Variants in SGCD observed in about 807,000 individuals in gnomAD.
SGCD encodes the protein delta-sarcoglycan.
SGCD carries 18 observed loss-of-function variants against 36.6 expected under a neutral mutation model. That is an observed-to-expected ratio of 0.49 (90% CI 0.34 to 0.73). The LOEUF is 0.73. Ranked by LOEUF, SGCD falls within the 30% of genes least tolerant of loss-of-function variation. The probability of loss-of-function intolerance (pLI) is 0.01; values close to 1 mark genes in which losing one functional copy is unlikely to be tolerated. For synonymous variants in SGCD, 133 were observed against 130.6 expected (o/e 1.02, Z -0.12); for missense variants, 387 against 346.7 (o/e 1.12, Z -0.92).
chr5:156,622,528 T>TA (rs1197456460), intron 6 of SGCD, among the ~76,000 whole-genome samples: 3 of 143,904 alleles, frequency 2.1e-5, no homozygotes, highest in Non-Finnish European at 4.6e-5. Context: ...CAAGTCTCCA[T>TA]AACAAAGACA....
intron 2 of SGCD, among the ~76,000 whole-genome samples, chr5:156,123,421 G>T (rs1762094444): frequency 6.6e-6 from 1 of 152,112 alleles, no homozygotes; most frequent in Non-Finnish European, 1.5e-5. Flanking sequence ...AGTCAAGAGA[G>T]GGAGGTATTT....
At chr5:156,124,787 G>A (rs913512419) in intron 3 of SGCD, among the ~76,000 whole-genome samples, 3 of 151,876 alleles carry the variant, frequency 2.0e-5, no homozygotes, top group African/African-American at 7.3e-5. Context: ...GGGAGAGAGA[G>A]AATGCTTAGA....
chr5:156,727,432 T>C (rs893711962), intron 7 of SGCD, among the ~76,000 whole-genome samples: 3 of 152,242 alleles, frequency 2.0e-5, no homozygotes, highest in Non-Finnish European at 4.4e-5. Flanking sequence ...TCTTTGTCAA[T>C]GGACAGCCAG....
At chr5:156,229,287 T>TGTATATATATACAC in intron 3 of SGCD, among the ~76,000 whole-genome samples, 1 of 113,790 alleles carries the variant, frequency 8.8e-6, no homozygotes, top group African/African-American at 3.8e-5. Flanking sequence ...CATATATATA[T>TGTATATATATACAC]ATATATATAT....
intron 1 of SGCD, among the ~76,000 whole-genome samples, chr5:156,018,697 A>G (rs1220134365): frequency 6.6e-6 from 1 of 152,146 alleles, no homozygotes; most frequent in Non-Finnish European, 1.5e-5. Context: ...TCAGAAACAA[A>G]CACCTCCTAA....
chr5:155,861,625 G>A, the SGCD span, among the ~76,000 whole-genome samples: 2 of 152,188 alleles, frequency 1.3e-5, no homozygotes, highest in South Asian at 4.1e-4. Context: ...GGTTGAGGCA[G>A]GAGAATCTCT....
the SGCD span, among the ~76,000 whole-genome samples, chr5:155,779,095 A>G: frequency 3.0e-4 from 45 of 152,300 alleles, no homozygotes; most frequent in African/African-American, 1.1e-3. Context: ...CATTCTGCAT[A>G]TATATTTTAT....
intron 1 of SGCD, among the ~76,000 whole-genome samples, chr5:155,980,338 C>A (rs1581024737): frequency 1.3e-5 from 2 of 151,918 alleles, no homozygotes; most frequent in East Asian, 1.9e-4. Flanking sequence ...ATAATCCCAG[C>A]ACTTTGGTAG....
the SGCD span, among the ~76,000 whole-genome samples, chr5:155,824,096 T>G: frequency 6.6e-6 from 1 of 152,210 alleles, no homozygotes; most frequent in South Asian, 2.1e-4. Context: ...TAACATTGCC[T>G]GGAAGTATTT....
At chr5:155,745,721 A>C in the SGCD span, among the ~76,000 whole-genome samples, 2 of 152,184 alleles carry the variant, frequency 1.3e-5, no homozygotes, top group Non-Finnish European at 2.9e-5. Flanking sequence ...AAAGTTTACT[A>C]AGAAAAGGAA....
At chr5:156,271,598 G>A (rs985802173) in intron 3 of SGCD, among the ~76,000 whole-genome samples, 1 of 152,102 alleles carries the variant, frequency 6.6e-6, no homozygotes, top group African/African-American at 2.4e-5. Context: ...TTTACTGAGA[G>A]TGTCTCAATT....
intron 1 of SGCD, among the ~76,000 whole-genome samples, chr5:156,327,934 G>A (rs1310529605): frequency 6.6e-6 from 1 of 152,108 alleles, no homozygotes; most frequent in African/African-American, 2.4e-5. Flanking sequence ...AAACACTTCT[G>A]TATTTTAGGA....
chr5:156,596,850 T>C (rs999518723), intron 6 of SGCD, among the ~76,000 whole-genome samples: 2 of 152,134 alleles, frequency 1.3e-5, no homozygotes, highest in African/African-American at 4.8e-5. Flanking sequence ...CATGTGTGCA[T>C]ATATATTCCA....
At chr5:156,228,634 A>G (rs550079479) in intron 3 of SGCD, among the ~76,000 whole-genome samples, 1 of 152,192 alleles carries the variant, frequency 6.6e-6, no homozygotes, top group Non-Finnish European at 1.5e-5. Flanking sequence ...GGCCATTTAC[A>G]TTCAATGTTA....
Position 156,050,604 on chromosome 5 carries a change from C to T in SGCD, c.-281-67274C>T, listed in dbSNP as rs77740888. On this transcript the variant is annotated intron_variant, in intron 1 of 9. Transcript: ENST00000517913. ...TCTCTTTAACCATAAACCATAGTTTCCTATGGCTGCTGTGGTAAAGCACCA... is the reference window on the plus strand; with the variant it reads ...TCTCTTTAACCATAAACCATAGTTTTCTATGGCTGCTGTGGTAAAGCACCA... 4.5e-3 allele frequency among the ~76,000 whole-genome samples: 661 copies of T among 146,400 alleles called. 44 individuals are homozygous for T. Among genetic ancestry groups the T allele is most frequent in the African/African-American group, 0.016 (632 of 40,744 alleles).
At chr5:156,469,874 T>A (rs1754879283) in intron 3 of SGCD, among the ~76,000 whole-genome samples, 1 of 152,182 alleles carries the variant, frequency 6.6e-6, no homozygotes, top group Non-Finnish European at 1.5e-5. Context: ...ATCTGTCAAA[T>A]AACACATTCA....
At chr5:155,899,126 A>G (rs1388069297) in intron 1 of SGCD, among the ~76,000 whole-genome samples, 1 of 152,192 alleles carries the variant, frequency 6.6e-6, no homozygotes. Context: ...CTGAAGAGAA[A>G]GAGGGAGATT....
At position 156,060,016 on chromosome 5, in the gene SGCD, T is replaced by G. The variant is rs901022823; in HGVS notation, c.-281-57862T>G. 2.7e-5 allele frequency among the ~76,000 whole-genome samples: 4 copies of G among 146,680 alleles called. 1 individual carries two copies. Among genetic ancestry groups the G allele is most frequent in the Non-Finnish European group, 6.1e-5 (4 of 65,070 alleles). The stretch of plus-strand genomic sequence containing the variant: ...TCACAAAACTGTTCAGGTCAAATAT[T>G]CTCCCAAGATGCTCATAAGTCAGTG... On this transcript the variant is annotated intron_variant, in intron 1 of 9. Coordinates refer to the SGCD transcript ENST00000517913.
At chr5:156,411,091 G>A (rs1772724590) in intron 3 of SGCD, among the ~76,000 whole-genome samples, 1 of 152,116 alleles carries the variant, frequency 6.6e-6, no homozygotes, top group African/African-American at 2.4e-5. Flanking sequence ...TTGCCCCCTT[G>A]ATGTTTTATT....
Sources: allele counts gnomAD v4.1 joint callset (sites outside exome capture counted in the v4.1 genomes callset), GRCh38; gene constraint gnomAD v4.1.1; transcripts MANE v1.5; gene names NCBI Gene and HGNC (gene_info 2026-07-23, HGNC 2026-07-21).